The following CCDC70 variants were observed in gnomAD, a reference collection of about 807,000 sequenced individuals.
CCDC70 encodes coiled-coil domain containing 70.
CCDC70 carries 4 observed loss-of-function variants against 9.1 expected under a neutral mutation model. The observed-to-expected ratio is 0.44, with a 90% CI of 0.22 to 1.00. CCDC70 has a LOEUF of 1.00. Among genes scored for constraint, CCDC70 ranks in the 50% least tolerant of loss-of-function variants. CCDC70 has a pLI of 0.25. For synonymous variants in CCDC70, 119 were observed against 94.0 expected (o/e 1.27, Z -1.54); for missense variants, 308 against 271.3 (o/e 1.14, Z -0.95).
chr13:51,865,260 A>G, intron 1 of CCDC70, 72 bp from the exon 2 acceptor site: 1 of 724,474 alleles, frequency 1.4e-6, no homozygotes, highest in Non-Finnish European at 2.2e-6. Context: ...TCTCAAATTC[A>G]GTAGTACAGA....
rs775900914 is a variant in CCDC70 at position 51,865,356 on chromosome 13, G to A, written c.-56G>A. On this transcript the variant is annotated 5_prime_UTR_variant, in exon 2 of 2. Coordinates refer to ENST00000242819, the MANE Select transcript of CCDC70 (RefSeq NM_031290.4). ...GGGTCTGACCAGCCGACCTGGACCT[G>A]GCCAAGGGTCCTGTCATCCCTCATG... 6.4e-7 allele frequency: 1 copy of A among 1,556,788 alleles called. No homozygotes were observed. Among genetic ancestry groups the A allele is most frequent in the Non-Finnish European group, 8.7e-7 (1 of 1,153,330 alleles).
Position 51,865,489 on chromosome 13 carries a change from C to T in CCDC70, c.78C>T (p.Arg26=). Residue 26 remains arginine (R), a synonymous_variant, in exon 2 of 2, where the codon CGC becomes CGT. Coordinates refer to ENST00000242819, the MANE Select transcript of CCDC70 (RefSeq NM_031290.4). Reference sequence around the variant, plus strand: ...TGGCGGCATCCTCTCCCAGTATTCGCCAGAAGAAACTAATGCACAAGCTGC... The same window carrying T: ...TGGCGGCATCCTCTCCCAGTATTCGTCAGAAGAAACTAATGCACAAGCTGC... ...RSLAASSPSI[R]QKKLMHKLQE... is the part of the protein sequence containing the mutation. 6.2e-7 allele frequency: 1 copy of T among 1,614,144 alleles called. No homozygotes were observed. The highest frequency in any genetic ancestry group is 8.5e-7 in the Non-Finnish European group (1 of 1,180,032).
chr13:51,864,202 T>C (rs1956403091), intron 1 of CCDC70, among the ~76,000 whole-genome samples: 1 of 151,876 alleles, frequency 6.6e-6, no homozygotes, highest in African/African-American at 2.4e-5. Context: ...CTGGGGTACA[T>C]AAAATATCCA....
chr13:51,865,398 G>A lies in CCDC70; in HGVS notation c.-14G>A, dbSNP rs141731440. On this transcript the variant is annotated 5_prime_UTR_variant, in exon 2 of 2. Coordinates refer to ENST00000242819, the MANE Select transcript of CCDC70 (RefSeq NM_031290.4). Reference sequence around the variant, plus strand: ...TCCCTCATGGCCACCCCGCCATTCCGGCTGATAAGGAAGATGTTTTCCTTC... The same window carrying A: ...TCCCTCATGGCCACCCCGCCATTCCAGCTGATAAGGAAGATGTTTTCCTTC... The A allele has an allele frequency of 1.3e-4, 210 of 1,600,016 alleles. 1 individual carries two copies. Among genetic ancestry groups the A allele is most frequent in the Admixed American group, 6.2e-4 (36 of 57,948 alleles).
intron 1 of CCDC70, among the ~76,000 whole-genome samples, chr13:51,863,674 C>CACAG (rs1180249914): frequency 2.9e-4 from 7 of 24,046 alleles, no homozygotes; most frequent in African/African-American, 4.8e-4. Context: ...CGCACACAGA[C>CACAG]ACACACACAC....
chr13:51,865,426 G>A lies in CCDC70; in HGVS notation c.15G>A (p.Lys5=). The change falls in exon 2 of 2, where the codon AAG becomes AAA. Residue 5 remains lysine, a synonymous_variant. Coordinates refer to ENST00000242819, the MANE Select transcript of CCDC70 (RefSeq NM_031290.4). Reference sequence around the variant, plus strand: ...TGATAAGGAAGATGTTTTCCTTCAAGGTGAGCAGATGGATGGGGCTTGCCT... The same window carrying A: ...TGATAAGGAAGATGTTTTCCTTCAAAGTGAGCAGATGGATGGGGCTTGCCT... The part of the protein sequence containing the change: MFSF[K]VSRWMGLACF... 1.2e-6 allele frequency: 2 copies of A among 1,611,732 alleles called. No homozygotes were observed. The highest frequency in any genetic ancestry group is 1.7e-6 in the Non-Finnish European group (2 of 1,178,898).
chr13:51,865,211 C>T, intron 1 of CCDC70, 121 bp from the exon 2 acceptor site: 1 of 559,572 alleles, frequency 1.8e-6, no homozygotes, highest in Non-Finnish European at 3.0e-6. Flanking sequence ...TTGTCCCTCA[C>T]AAACACCACC....
chr13:51,862,269 T>A (rs1956388338), intron 1 of CCDC70, 40 bp downstream of exon 1: 1 of 152,236 alleles, frequency 6.6e-6, no homozygotes. Context: ...GTATTTGTTC[T>A]AAGCATAAGG....
chr13:51,864,824 C>G (rs536254105), intron 1 of CCDC70, among the ~76,000 whole-genome samples: 1 of 152,180 alleles, frequency 6.6e-6, no homozygotes, highest in African/African-American at 2.4e-5. Context: ...TCGTCTCTCA[C>G]CTTTTTGTTT....
Position 51,865,556 on chromosome 13 carries a change from G to A in CCDC70, c.145G>A (p.Glu49Lys). 1 of 1,614,082 alleles carries A rather than the reference G, an allele frequency of 6.2e-7. No individual in the cohort carries two copies. The highest frequency in any genetic ancestry group is 8.5e-7 in the Non-Finnish European group (1 of 1,180,002). Residue 49 changes from glutamate to lysine, a missense_variant, in exon 2 of 2, where the codon GAA becomes AAA. Physicochemically the swap from Glu to Lys is moderately conservative, Grantham distance 56 (BLOSUM62 1). Coordinates refer to ENST00000242819, the MANE Select transcript of CCDC70 (RefSeq NM_031290.4). ...AFREEMKIFR[E>K]KIEDFREEMW... is the part of the protein sequence containing the mutation. ...TCGCGAAGAGATGAAAATTTTTCGT[G>A]AAAAAATAGAGGACTTCAGGGAAGA...
rs758815285 is a variant in CCDC70, at chr13:51,865,584, T to C, written c.173T>C (p.Met58Thr). 29 of 1,614,158 alleles carry C rather than the reference T, an allele frequency of 1.8e-5. No homozygotes were observed. The Middle Eastern group carries it at 4.9e-4, about 28-fold the overall frequency. ...REKIEDFREE[M>T]WTFRGKIHAF... ...AAAATAGAGGACTTCAGGGAAGAGA[T>C]GTGGACTTTCCGAGGCAAGATCCAT... The change falls in exon 2 of 2, where the codon ATG (methionine) becomes ACG (threonine). Residue 58 changes from methionine to threonine, a missense_variant. Physicochemically the swap from Met to Thr is moderately conservative, Grantham distance 81. Transcript: ENST00000242819.
rs761531374 is a variant in CCDC70 at position 51,865,562 on chromosome 13, A to T, written c.151A>T (p.Ile51Leu). Residue 51 changes from isoleucine to leucine, a missense_variant, in exon 2 of 2, where the codon ATA (isoleucine) becomes TTA (leucine). Physicochemically the swap from Ile to Leu is conservative, Grantham distance 5 (BLOSUM62 2). Transcript: ENST00000242819. The stretch of plus-strand genomic sequence containing the variant: ...AGAGATGAAAATTTTTCGTGAAAAA[A>T]TAGAGGACTTCAGGGAAGAGATGTG... ...REEMKIFREKIEDFREEMWTF... is the reference protein window; with the variant it reads ...REEMKIFREKLEDFREEMWTF... 138 of 1,614,230 alleles carry T rather than the reference A, an allele frequency of 8.5e-5. No homozygotes were observed. In the East Asian group the frequency reaches 2.3e-3, roughly 27 times the overall value.
chr13:51,862,450 C>A (rs1956389436), intron 1 of CCDC70, among the ~76,000 whole-genome samples: 1 of 152,040 alleles, frequency 6.6e-6, no homozygotes, highest in African/African-American at 2.4e-5. Context: ...TTCTTATTTT[C>A]TTTCTTTCTT....
rs555529614 is a variant in CCDC70 at position 51,863,114 on chromosome 13, T to C, written c.-81+885T>C. On this transcript the variant is annotated intron_variant, in intron 1 of 1. Coordinates refer to ENST00000242819, the MANE Select transcript of CCDC70 (RefSeq NM_031290.4). ...CCACAGGAACAAAAGGGGCTCTCAG[T>C]AGAGGATGCGACATGTGCTTCACCA... 3.3e-5 allele frequency among the ~76,000 whole-genome samples: 5 copies of C among 152,278 alleles called. No homozygotes were observed. The South Asian group carries it at 1.0e-3, about 32-fold the overall frequency.
At chr13:51,864,167 T>C (rs1189308898) in intron 1 of CCDC70, among the ~76,000 whole-genome samples, 1 of 152,018 alleles carries the variant, frequency 6.6e-6, no homozygotes, top group Admixed American at 6.6e-5. Flanking sequence ...CAGCTTTTAT[T>C]TTATTGTGAA....
At chr13:51,864,972 G>C (rs1956409129) in intron 1 of CCDC70, among the ~76,000 whole-genome samples, 1 of 152,192 alleles carries the variant, frequency 6.6e-6, no homozygotes, top group African/African-American at 2.4e-5. Flanking sequence ...AGGCAGATAG[G>C]AACAATTCTC....
In CCDC70 at chr13:51,862,054, G is replaced by A. The variant is rs931158369; in HGVS notation, c.-256G>A. On this transcript the variant is annotated 5_prime_UTR_variant, in exon 1 of 2. Coordinates refer to ENST00000242819, the MANE Select transcript of CCDC70 (RefSeq NM_031290.4). ...CCTTTCCTTAAAGTCTTTTATAGGGGTCCCCTTCTTGGCCATCTCCATCCT... is the reference window on the plus strand; with the variant it reads ...CCTTTCCTTAAAGTCTTTTATAGGGATCCCCTTCTTGGCCATCTCCATCCT... 6.6e-6 allele frequency: 1 copy of A among 152,170 alleles called. No individual in the cohort carries two copies. Among genetic ancestry groups the A allele is most frequent in the Non-Finnish European group, 1.5e-5 (1 of 68,038 alleles). 9.4% of individuals were successfully genotyped at this position (152,170 alleles called of 1,614,324 possible). A position where few individuals can be genotyped will look rare whatever the true frequency, so the allele number is the denominator to read the frequency against.
chr13:51,863,520 A>G (rs1397226937), intron 1 of CCDC70, among the ~76,000 whole-genome samples: 1 of 152,068 alleles, frequency 6.6e-6, no homozygotes, highest in Admixed American at 6.5e-5. Context: ...GATCTCGGCT[A>G]GGAGGGCTTG....
At chr13:51,863,154 TGCAG>T (rs1391827912) in intron 1 of CCDC70, among the ~76,000 whole-genome samples, 1 of 152,228 alleles carries the variant, frequency 6.6e-6, no homozygotes, top group African/African-American at 2.4e-5. Flanking sequence ...GGCAGGAAAC[TGCAG>T]GCAGAGTGCC....
Sources: gnomAD v4.1 joint callset for allele counts (sites outside exome capture counted in the v4.1 genomes callset) on GRCh38, gnomAD v4.1.1 for gene constraint, MANE v1.5 for transcripts, NCBI Gene and HGNC (gene_info 2026-07-23, HGNC 2026-07-21) for gene names.